Variants in ZSCAN5A observed in about 807,000 individuals in gnomAD.
ZSCAN5A encodes the protein zinc finger and SCAN domain containing 5A.
Under a neutral mutation model 23.7 loss-of-function variants are expected in ZSCAN5A, and 12 were observed. The observed-to-expected ratio is 0.51, with a 90% CI of 0.32 to 0.82. The LOEUF (loss-of-function observed/expected upper bound fraction) is 0.82. ZSCAN5A is among the 40% of genes least tolerant of loss of function. The pLI is 0.03. For missense variants in ZSCAN5A, 597 were observed against 617.9 expected (o/e 0.97, Z 0.36); for synonymous variants, 257 against 239.9 (o/e 1.07, Z -0.66).
At chr19:56,234,293 G>C (rs184634417) in intron 2 of ZSCAN5A, among the ~76,000 whole-genome samples, 2 of 152,178 alleles carry the variant, frequency 1.3e-5, no homozygotes, top group Non-Finnish European at 2.9e-5. Flanking sequence ...GGGCTCCCCG[G>C]TTCAGGTCAT....
At chr19:56,253,712 T>TA (rs1364278546) in intron 2 of ZSCAN5A, among the ~76,000 whole-genome samples, 1 of 152,132 alleles carries the variant, frequency 6.6e-6, no homozygotes, top group Non-Finnish European at 1.5e-5. Flanking sequence ...AGACACTAAA[T>TA]ACATTTTTTT....
rs902387416 is a variant in ZSCAN5A at position 56,351,775 on chromosome 19, C to T, written c.-358+11460G>A. The stretch of plus-strand genomic sequence containing the variant: ...CTCCATCCTTTGCATCTTAACCTGT[C>T]GCAGAACAAGAAAAGTGGTGCCGCT... On this transcript the variant is annotated intron_variant, in intron 2 of 6. Transcript: ENST00000587340. This position sits in a 1 kb window ranked among gnomAD's most constrained non-coding sequence, Gnocchi z 4.8. Among the ~76,000 whole-genome samples, 4 of 152,128 alleles carry T rather than the reference C, an allele frequency of 2.6e-5. No individual in the cohort carries two copies. The highest frequency in any genetic ancestry group is 4.4e-5 in the Non-Finnish European group (3 of 68,024).
intron 2 of ZSCAN5A, among the ~76,000 whole-genome samples, chr19:56,229,034 T>G (rs1004771666): frequency 6.6e-6 from 1 of 152,192 alleles, no homozygotes; most frequent in Non-Finnish European, 1.5e-5. Flanking sequence ...CCCCCTCAGT[T>G]AGGGCTCTCA....
intron 2 of ZSCAN5A, among the ~76,000 whole-genome samples, chr19:56,298,510 A>G (rs1179236455): frequency 2.0e-5 from 3 of 151,464 alleles, no homozygotes; most frequent in Non-Finnish European, 4.4e-5. Flanking sequence ...AAAATTAGCC[A>G]GGCGTGGTGG....
At chr19:56,242,546 C>T (rs1295594763) in intron 2 of ZSCAN5A, among the ~76,000 whole-genome samples, 4 of 152,244 alleles carry the variant, frequency 2.6e-5, no homozygotes, top group East Asian at 1.9e-4. Context: ...TTCCAGGAAG[C>T]GTAGGTTTTC....
intron 2 of ZSCAN5A, among the ~76,000 whole-genome samples, chr19:56,255,225 G>A (rs185416427): frequency 9.8e-4 from 149 of 152,178 alleles, no homozygotes; most frequent in Admixed American, 2.2e-3. Context: ...GAAAGCTTTT[G>A]AATAATATTT....
chr19:56,243,555 C>CT (rs1178178402), intron 2 of ZSCAN5A, among the ~76,000 whole-genome samples: 1 of 152,112 alleles, frequency 6.6e-6, no homozygotes. Context: ...TGATGAAGGG[C>CT]TTTACCTTGG....
intron 2 of ZSCAN5A, among the ~76,000 whole-genome samples, chr19:56,290,595 A>G (rs1024778791): frequency 3.9e-5 from 6 of 152,204 alleles, no homozygotes; most frequent in Non-Finnish European, 7.3e-5. Context: ...ACGGTGGCTC[A>G]TGCCTATAAT....
chr19:56,336,220 C>A (rs2041534558), intron 2 of ZSCAN5A, among the ~76,000 whole-genome samples: 1 of 152,202 alleles, frequency 6.6e-6, no homozygotes, highest in African/African-American at 2.4e-5. Context: ...TTCAGGTACA[C>A]CAATCAGACG....
At chr19:56,318,242 G>T (rs531205262), upstream of ZSCAN5A, among the ~76,000 whole-genome samples, 8 of 148,672 alleles carry the variant, frequency 5.4e-5, no homozygotes, top group East Asian at 2.0e-4. Flanking sequence ...TTTTTTTTTT[G>T]ACCATTTTAA....
rs1364034226 is a variant in ZSCAN5A at position 56,291,763 on chromosome 19, T to C, written c.-128+21520A>G. ...ATCTTTTTTTTTTAAACTCAAGAAC[T>C]GGGAAAAAATAGCTATATTACCATC... On this transcript the variant is annotated intron_variant, in intron 2 of 5. Coordinates refer to ENST00000683990, the MANE Select transcript of ZSCAN5A (RefSeq NM_001322064.3). Among the ~76,000 whole-genome samples the C allele has an allele frequency of 2.6e-5, 4 of 151,886 alleles. No individual in the cohort carries two copies. The East Asian group carries it at 7.7e-4, about 29-fold the overall frequency.
At chr19:56,331,700 G>T (rs553442078) in intron 2 of ZSCAN5A, among the ~76,000 whole-genome samples, 1 of 138,890 alleles carries the variant, frequency 7.2e-6, no homozygotes. Flanking sequence ...CAATTCTCCC[G>T]CTTCAGCTTC....
At chr19:56,327,585 CTTA>C (rs1377039452) in intron 2 of ZSCAN5A, among the ~76,000 whole-genome samples, 5 of 150,752 alleles carry the variant, frequency 3.3e-5, no homozygotes, top group Non-Finnish European at 7.4e-5. Flanking sequence ...ATACAAATAT[CTTA>C]TATGTATGAT....
At chr19:56,256,207 G>T (rs1488793910) in intron 2 of ZSCAN5A, among the ~76,000 whole-genome samples, 1 of 152,162 alleles carries the variant, frequency 6.6e-6, no homozygotes, top group Non-Finnish European at 1.5e-5. Flanking sequence ...TTGTTTGTTT[G>T]TTTGAGACAG....
At chr19:56,301,799 C>G in intron 2 of ZSCAN5A, 1 of 659,962 alleles carries the variant, frequency 1.5e-6, no homozygotes, top group East Asian at 3.5e-5. Flanking sequence ...ATGGTGGTAA[C>G]CAAGAAGGGG....
At chr19:56,296,596 A>G (rs951103994) in intron 2 of ZSCAN5A, among the ~76,000 whole-genome samples, 1 of 152,090 alleles carries the variant, frequency 6.6e-6, no homozygotes, top group Non-Finnish European at 1.5e-5. Flanking sequence ...GCAGAGGATA[A>G]AACAGACAGA....
chr19:56,267,476 A>T (rs1462166203), intron 2 of ZSCAN5A, among the ~76,000 whole-genome samples: 2 of 152,246 alleles, frequency 1.3e-5, no homozygotes, highest in Non-Finnish European at 2.9e-5. Flanking sequence ...GTAGCTATTT[A>T]GATTTACATG....
chr19:56,301,941 A>C, intron 2 of ZSCAN5A: 1 of 1,232,064 alleles, frequency 8.1e-7, no homozygotes, highest in Non-Finnish European at 1.0e-6. Context: ...GGCCATCAGC[A>C]TCAATCATCT....
chr19:56,287,207 G>C (rs2039191197), intron 2 of ZSCAN5A, among the ~76,000 whole-genome samples: 2 of 152,208 alleles, frequency 1.3e-5, no homozygotes, highest in Admixed American at 1.3e-4. Flanking sequence ...CCTGGAAGTA[G>C]AACTCTCCTC....
Sources: gnomAD v4.1 joint callset for allele counts (sites outside exome capture counted in the v4.1 genomes callset) on GRCh38, gnomAD v4.1.1 for gene constraint, Gnocchi (gnomAD v3.1) non-coding constraint, MANE v1.5 for transcripts, NCBI Gene and HGNC (gene_info 2026-07-23, HGNC 2026-07-21) for gene names.